The following PELP1 variants were observed in gnomAD, a reference collection of about 807,000 sequenced individuals.
PELP1 encodes the protein proline, glutamate and leucine rich protein 1, also known as proline-, glutamic acid- and leucine-rich protein 1.
PELP1 carries 32 observed loss-of-function variants against 95.5 expected under a neutral mutation model. That is an observed-to-expected ratio of 0.34 (90% CI 0.25 to 0.45). The LOEUF (loss-of-function observed/expected upper bound fraction) is 0.45, where lower values mean the gene tolerates loss of function less well. Ranked by LOEUF, PELP1 falls within the 20% of genes least tolerant of loss-of-function variation. The pLI, the probability that PELP1 is intolerant of heterozygous loss-of-function variation, is 1.00. For missense variants in PELP1, 1,358 were observed against 1,444.8 expected (o/e 0.94, Z 0.97); for synonymous variants, 668 against 600.1 (o/e 1.11, Z -1.65).
Position 4,673,928 on chromosome 17 carries a change from C to T in PELP1, c.1583-254G>A, listed in dbSNP as rs1278697477. 1.1e-5 allele frequency: 5 copies of T among 475,448 alleles called. No homozygotes were observed. Among genetic ancestry groups the T allele is most frequent in the Admixed American group, 3.3e-5 (1 of 30,250 alleles). The allele number at this position is 475,448 out of a possible 1,614,324, so 29.5% of individuals were successfully genotyped here. A position where few individuals can be genotyped will look rare whatever the true frequency, so the allele number is the denominator to read the frequency against. On this transcript the variant is annotated intron_variant, in intron 13 of 16. Coordinates refer to ENST00000572293, the MANE Select transcript of PELP1 (RefSeq NM_014389.3). The surrounding 1 kb of genome is among the most constrained non-coding windows in gnomAD (Gnocchi z 5.7). Reference sequence around the variant, plus strand: ...TTGCATTTATATATTTGGGAACAATCGGTTCTCCCCTTCCCATGGGATGGG... The same window carrying T: ...TTGCATTTATATATTTGGGAACAATTGGTTCTCCCCTTCCCATGGGATGGG...
Position 4,675,475 on chromosome 17 carries a change from C to A in PELP1, c.1069-113G>T. On this transcript the variant is annotated intron_variant, in intron 9 of 16. Coordinates refer to ENST00000572293, the MANE Select transcript of PELP1 (RefSeq NM_014389.3). The surrounding 1 kb of genome is among the most constrained non-coding windows in gnomAD (Gnocchi z 4.3). ...GTACACATAGGTAAGAAACCCAACC[C>A]CTGATCTCAGCTCTCCCAACAAAAT... 2.6e-6 allele frequency: 2 copies of A among 757,900 alleles called. No homozygotes were observed. The highest frequency in any genetic ancestry group is 2.3e-6 in the Non-Finnish European group (1 of 434,730). The allele number at this position is 757,900 out of a possible 1,614,324, so 46.9% of individuals were successfully genotyped here.
At chr17:4,682,016 C>T (rs1347836387) in intron 5 of PELP1, among the ~76,000 whole-genome samples, 1 of 151,868 alleles carries the variant, frequency 6.6e-6, no homozygotes, top group Non-Finnish European at 1.5e-5. Context: ...TAATAATTAG[C>T]TGGGCGTGGT....
intron 1 of PELP1, among the ~76,000 whole-genome samples, chr17:4,702,353 A>C (rs1389887534): frequency 2.0e-5 from 3 of 152,120 alleles, no homozygotes; most frequent in Non-Finnish European, 4.4e-5. Flanking sequence ...TGGGAAATGG[A>C]GGTTGCAGTG....
At chr17:4,677,186 G>A (rs1049662896) in intron 5 of PELP1, among the ~76,000 whole-genome samples, 2 of 152,158 alleles carry the variant, frequency 1.3e-5, no homozygotes, top group Non-Finnish European at 2.9e-5. Context: ...GAGGGTCCAA[G>A]CTGGAAGTTA....
In PELP1 at chr17:4,670,839, T is replaced by C. The variant is rs1912167701; in HGVS notation, c.*600A>G. 6.5e-6 allele frequency: 1 copy of C among 153,066 alleles called. No individual in the cohort carries two copies. The highest frequency in any genetic ancestry group is 2.4e-5 in the African/African-American group (1 of 41,566). 9.5% of individuals were successfully genotyped at this position (153,066 alleles called of 1,614,324 possible). A position where few individuals can be genotyped will look rare whatever the true frequency, so the allele number is the denominator to read the frequency against. On this transcript the variant is annotated 3_prime_UTR_variant, in exon 17 of 17. Coordinates refer to ENST00000572293, the MANE Select transcript of PELP1 (RefSeq NM_014389.3). Reference sequence around the variant, plus strand: ...AGGGAGCTGTGAGGGGAACTGTCATTAGGAGGACTAGCCCCAAAACAGAGG... The same window carrying C: ...AGGGAGCTGTGAGGGGAACTGTCATCAGGAGGACTAGCCCCAAAACAGAGG...
At chr17:4,703,552 T>C (rs774839335) in intron 1 of PELP1, among the ~76,000 whole-genome samples, 7 of 152,144 alleles carry the variant, frequency 4.6e-5, no homozygotes, top group Non-Finnish European at 7.4e-5. Flanking sequence ...GAAACAGATA[T>C]TGCCAGAGGA....
chr17:4,676,652 G>C, intron 6 of PELP1, 101 bp downstream of exon 6: 1 of 1,363,854 alleles, frequency 7.3e-7, no homozygotes, highest in South Asian at 1.2e-5. Context: ...GAAGGACACA[G>C]ATGGGCATAT....
Position 4,675,385 on chromosome 17 carries a change from TAA to T in PELP1, c.1069-25_1069-24del, listed in dbSNP as rs749342228. The T allele has an allele frequency of 1.4e-6, 2 of 1,383,500 alleles. No individual in the cohort carries two copies. Among genetic ancestry groups the T allele is most frequent in the Non-Finnish European group, 2.0e-6 (2 of 997,572 alleles). 85.7% of individuals were successfully genotyped at this position (1,383,500 alleles called of 1,614,324 possible). On this transcript the variant is annotated intron_variant, in intron 9 of 16. Transcript: ENST00000572293. The surrounding 1 kb of genome is among the most constrained non-coding windows in gnomAD (Gnocchi z 4.3). ...GCTCTGGAGAAAAAAGGGGCAGAGA[TAA>T]AGAGTGGAGGAAGAAAGTGAGAGCC...
At chr17:4,683,021 A>C in intron 3 of PELP1, 69 bp from the exon 4 acceptor site, 1 of 1,393,464 alleles carries the variant, frequency 7.2e-7, no homozygotes, top group Non-Finnish European at 9.4e-7. Context: ...AGCAGGAGAA[A>C]ATACAAGCCT....
chr17:4,684,529 C>A (rs1170456288), intron 3 of PELP1, among the ~76,000 whole-genome samples: 1 of 152,156 alleles, frequency 6.6e-6, no homozygotes, highest in Non-Finnish European at 1.5e-5. Flanking sequence ...AAAGACAGTC[C>A]CTCCGCTGTG....
At position 4,674,911 on chromosome 17, in the gene PELP1, C is replaced by T; in HGVS notation, c.1320G>A (p.Gln440=). 1.2e-6 allele frequency: 2 copies of T among 1,613,722 alleles called. No homozygotes were observed. Among genetic ancestry groups the T allele is most frequent in the Middle Eastern group, 1.6e-4 (1 of 6,062 alleles). Residue 440 remains glutamine, a synonymous_variant, in exon 12 of 17, where the codon CAG becomes CAA. Transcript: ENST00000572293. ...GCATTCCCGCCGAGGCCCCACAAAC[C>T]TGCACCCACAGCTCTAATATCGCAT... ...KVYAILELWV[Q]VCGASAGMLQ...
chr17:4,692,966 C>T (rs1253703336), intron 1 of PELP1, among the ~76,000 whole-genome samples: 3 of 152,078 alleles, frequency 2.0e-5, no homozygotes, highest in Non-Finnish European at 4.4e-5. Context: ...GCTGAGATCA[C>T]ACCATTGCAC....
In PELP1 at chr17:4,673,184, T is replaced by A. The variant is rs763366335; in HGVS notation, c.1846-39A>T. Reference sequence around the variant, plus strand: ...AAAGGGCAAGTGTGAGCACCAGAAATACTGGGAGTCTCTTGGAAACAAGAG... The same window carrying A: ...AAAGGGCAAGTGTGAGCACCAGAAAAACTGGGAGTCTCTTGGAAACAAGAG... On this transcript the variant is annotated intron_variant, in intron 15 of 16. Transcript: ENST00000572293. This position sits in a 1 kb window ranked among gnomAD's most constrained non-coding sequence, Gnocchi z 5.7. The A allele has an allele frequency of 9.2e-6, 14 of 1,519,272 alleles. No individual in the cohort carries two copies. The highest frequency in any genetic ancestry group is 6.7e-5 in the Admixed American group (3 of 45,004). The allele number at this position is 1,519,272 out of a possible 1,614,324, so 94.1% of individuals were successfully genotyped here.
At position 4,704,107 on chromosome 17, in the gene PELP1, G is replaced by A. The variant is rs1245315023; in HGVS notation, c.5C>T (p.Ala2Val). 1.9e-6 allele frequency: 3 copies of A among 1,605,806 alleles called. No homozygotes were observed. The highest frequency in any genetic ancestry group is 1.3e-5 in the African/African-American group (1 of 74,838). Residue 2 changes from alanine (A) to valine (V), a missense_variant, in exon 1 of 17, where the codon GCG becomes GTG. Physicochemically the swap from Ala to Val is moderately conservative, Grantham distance 64. Around this residue, in one of 7 missense-constraint regions of PELP1, gnomAD observed 169 missense variants for 134.9 expected, o/e 1.25. Transcript: ENST00000572293. ...AGAGGGCCCACTCAGAACGGCTGCCGCCATCTTCCCCCGGGTTCCAGTGGT... is the reference window on the plus strand; with the variant it reads ...AGAGGGCCCACTCAGAACGGCTGCCACCATCTTCCCCCGGGTTCCAGTGGT... Reference protein sequence around the residue: MAAAVLSGPSAG... With the variant: MVAAVLSGPSAG...
chr17:4,671,660 C>T (rs1912206295), intron 16 of PELP1, 31 bp downstream of exon 16: 1 of 1,597,260 alleles, frequency 6.3e-7, no homozygotes, highest in South Asian at 1.1e-5. Context: ...CACCTTCTCG[C>T]CCAAGGAACC....
At chr17:4,690,270 G>A (rs960324935) in intron 3 of PELP1, among the ~76,000 whole-genome samples, 3 of 152,036 alleles carry the variant, frequency 2.0e-5, no homozygotes, top group Non-Finnish European at 4.4e-5. Context: ...CTGAGGACTC[G>A]GGCGGAAATG....
rs760662150 is a variant in PELP1 at position 4,674,560 on chromosome 17, C to T, written c.1532G>A (p.Arg511Gln). The T allele has an allele frequency of 1.2e-5, 19 of 1,612,894 alleles. No homozygotes were observed. The highest frequency in any genetic ancestry group is 1.1e-4 in the African/African-American group (8 of 74,870). Reference sequence around the variant, plus strand: ...GCTGTTGGCATTGCTATCCCCTTTCCGGTGGCTTGGCGGGGCCATAGCTTC... The same window carrying T: ...GCTGTTGGCATTGCTATCCCCTTTCTGGTGGCTTGGCGGGGCCATAGCTTC... The part of the protein sequence containing the change: ...VGEAMAPPSH[R>Q]KGDSNANSDV... Residue 511 changes from arginine (R) to glutamine (Q), a missense_variant, in exon 13 of 17, where the codon CGG (arginine) becomes CAG (glutamine). Arg to Gln is a conservative substitution (Grantham distance 43). Around this residue, in one of 7 missense-constraint regions of PELP1, gnomAD observed 538 missense variants for 628.1 expected, o/e 0.86. Coordinates refer to ENST00000572293, the MANE Select transcript of PELP1 (RefSeq NM_014389.3).
At chr17:4,687,674 T>C (rs767586092) in intron 3 of PELP1, among the ~76,000 whole-genome samples, 63 of 152,118 alleles carry the variant, frequency 4.1e-4, no homozygotes, top group Non-Finnish European at 1.5e-4. Context: ...AGCATAAACA[T>C]TTCCTATTTG....
At chr17:4,683,976 G>A (rs1465415824) in intron 3 of PELP1, among the ~76,000 whole-genome samples, 1 of 151,474 alleles carries the variant, frequency 6.6e-6, no homozygotes, top group Non-Finnish European at 1.5e-5. Flanking sequence ...AAAGGGAGAA[G>A]AGCACTTTTC....
Sources: gnomAD v4.1 joint callset for allele counts (sites outside exome capture counted in the v4.1 genomes callset) on GRCh38, gnomAD v4.1.1 for gene constraint, gnomAD v4.1.1 regional missense constraint, Gnocchi (gnomAD v3.1) non-coding constraint, MANE v1.5 for transcripts, NCBI Gene and HGNC (gene_info 2026-07-23, HGNC 2026-07-21) for gene names.